ATP5F1C: variants seen among roughly 807,000 people sequenced by gnomAD.
The protein encoded by ATP5F1C is ATP synthase F1 subunit gamma.
Under a neutral mutation model 37.4 loss-of-function variants are expected in ATP5F1C, and 22 were observed. The ratio of observed to expected loss-of-function variants is 0.59; its 90% confidence interval spans 0.42 to 0.84. The LOEUF is 0.84. ATP5F1C is among the 40% of genes least tolerant of loss of function. The pLI, the probability that ATP5F1C is intolerant of heterozygous loss-of-function variation, is 0.00. For synonymous variants in ATP5F1C, 121 were observed against 128.0 expected (o/e 0.95, Z 0.37); for missense variants, 286 against 362.4 (o/e 0.79, Z 1.71).
intron 1 of ATP5F1C, among the ~76,000 whole-genome samples, chr10:7,788,649 C>A (rs2131048971): frequency 6.6e-6 from 1 of 152,312 alleles, no homozygotes; most frequent in East Asian, 1.9e-4. Flanking sequence ...TGACGGGAGC[C>A]TGAGCAATAG....
intron 6 of ATP5F1C, among the ~76,000 whole-genome samples, chr10:7,801,235 GA>G (rs1836360456): frequency 6.6e-6 from 1 of 152,066 alleles, no homozygotes; most frequent in Admixed American, 6.5e-5. Flanking sequence ...TAATGTTTCT[GA>G]AATTGAGATG....
At chr10:7,800,650 A>G (rs1180926208) in intron 6 of ATP5F1C, among the ~76,000 whole-genome samples, 1 of 151,956 alleles carries the variant, frequency 6.6e-6, no homozygotes, top group East Asian at 1.9e-4. Flanking sequence ...GCACGCCACC[A>G]CGCCTGGCTA....
chr10:7,797,009 TA>T (rs751655671), intron 2 of ATP5F1C, 37 bp from the exon 3 acceptor site: 1 of 1,595,364 alleles, frequency 6.3e-7, no homozygotes. Context: ...AGTTATACTG[TA>T]ATTCCTTTGT....
chr10:7,799,558 G>C, intron 4 of ATP5F1C: 1 of 595,062 alleles, frequency 1.7e-6, no homozygotes, highest in Non-Finnish European at 2.9e-6. Flanking sequence ...AAGGGGAAAA[G>C]AATATAAAAC....
At chr10:7,797,214 C>T (rs2131063705) in intron 3 of ATP5F1C, 36 bp downstream of exon 3, 1 of 1,605,406 alleles carries the variant, frequency 6.2e-7, no homozygotes, top group Non-Finnish European at 8.5e-7. Flanking sequence ...TTAGGAAGAA[C>T]TGTTTCACAC....
chr10:7,789,171 A>G (rs1020602551), intron 1 of ATP5F1C, among the ~76,000 whole-genome samples: 1 of 152,056 alleles, frequency 6.6e-6, no homozygotes, highest in Admixed American at 6.6e-5. Context: ...GCTTGACGGA[A>G]TCTGGAAGAA....
At chr10:7,798,549 G>A (rs1264823555) in intron 3 of ATP5F1C, among the ~76,000 whole-genome samples, 1 of 152,218 alleles carries the variant, frequency 6.6e-6, no homozygotes, top group African/African-American at 2.4e-5. Context: ...TGGGGCTACA[G>A]GCGCCCGCCA....
intron 1 of ATP5F1C, among the ~76,000 whole-genome samples, chr10:7,792,806 C>T (rs1420745649): frequency 6.6e-6 from 1 of 152,186 alleles, no homozygotes; most frequent in Non-Finnish European, 1.5e-5. Context: ...AATGAAGCTG[C>T]TTTACATGCT....
intron 8 of ATP5F1C, among the ~76,000 whole-genome samples, chr10:7,805,469 C>T (rs913293039): frequency 1.3e-5 from 2 of 151,898 alleles, no homozygotes; most frequent in Admixed American, 6.6e-5. Flanking sequence ...GAAACCTGGC[C>T]GGGCGCAGGG....
intron 1 of ATP5F1C, among the ~76,000 whole-genome samples, chr10:7,788,485 G>T (rs145778064): frequency 6.6e-6 from 1 of 152,322 alleles, no homozygotes; most frequent in Non-Finnish European, 1.5e-5. Context: ...GGTCCCGCCC[G>T]GTTCCCTGAG....
Position 7,797,090 on chromosome 10 carries a change from C to G in ATP5F1C, c.135C>G (p.Thr45=). ...CCATCAAAAACATCCAGAAAATTAC[C>G]AAGTCTATGAAAATGGTAGCGGCAG... ...LKSIKNIQKI[T]KSMKMVAAAK... Residue 45 remains threonine, a synonymous_variant, in exon 3 of 10, where the codon ACC becomes ACG. Coordinates refer to ENST00000356708, the MANE Select transcript of ATP5F1C (RefSeq NM_001001973.3). The G allele has an allele frequency of 1.2e-6, 2 of 1,613,940 alleles. No homozygotes were observed. Among genetic ancestry groups the G allele is most frequent in the South Asian group, 2.2e-5 (2 of 91,070 alleles).
chr10:7,807,548 G>T, intron 9 of ATP5F1C, 111 bp from the exon 10 acceptor site: 1 of 1,305,866 alleles, frequency 7.7e-7, no homozygotes, highest in Non-Finnish European at 1.1e-6. Flanking sequence ...ACACTTTATT[G>T]TGTAAATTCA....
intron 3 of ATP5F1C, 106 bp from the exon 4 acceptor site, chr10:7,798,884 A>C: frequency 2.7e-6 from 3 of 1,127,960 alleles, no homozygotes; most frequent in East Asian, 5.1e-5. Context: ...TTGCCAGCTA[A>C]ATTTAAATGC....
Position 7,802,783 on chromosome 10 carries a change from G to T in ATP5F1C, c.819G>T (p.Leu273Phe). Residue 273 changes from leucine to phenylalanine, a missense_variant, in exon 8 of 10, where the codon TTG (leucine) becomes TTT (phenylalanine). Physicochemically the swap from Leu to Phe is conservative, Grantham distance 22. Transcript: ENST00000356708. ...CTGAGATGATTGACAAATTGACATT[G>T]ACATTCAACCGTACCCGCCAAGCTG... ...NASEMIDKLT[L>F]TFNRTRQAVI... 2 of 1,613,630 alleles carry T rather than the reference G, an allele frequency of 1.2e-6. No homozygotes were observed. Among genetic ancestry groups the T allele is most frequent in the South Asian group, 2.2e-5 (2 of 90,926 alleles).
At chr10:7,788,527 G>C (rs552391745) in intron 1 of ATP5F1C, among the ~76,000 whole-genome samples, 34 of 152,338 alleles carry the variant, frequency 2.2e-4, no homozygotes, top group Admixed American at 5.2e-4. Flanking sequence ...TCGGGACTGC[G>C]GCCTGAGTCC....
intron 1 of ATP5F1C, among the ~76,000 whole-genome samples, chr10:7,791,976 C>A (rs1836171422): frequency 6.6e-6 from 1 of 152,160 alleles, no homozygotes; most frequent in African/African-American, 2.4e-5. Context: ...CAAATTTATA[C>A]CATATGGTAT....
chr10:7,806,877 C>CT (rs1836492597), intron 8 of ATP5F1C, 97 bp from the exon 9 acceptor site: 2 of 1,085,048 alleles, frequency 1.8e-6, no homozygotes, highest in South Asian at 1.3e-5. Context: ...TAACAATTGA[C>CT]TTTTTTTCAT....
At chr10:7,803,836 C>T (rs562438183) in intron 8 of ATP5F1C, among the ~76,000 whole-genome samples, 1 of 152,328 alleles carries the variant, frequency 6.6e-6, no homozygotes, top group East Asian at 1.9e-4. Flanking sequence ...CTCGTTCCTT[C>T]TTACCTCCTG....
intron 9 of ATP5F1C, 25 bp from the exon 10 acceptor site, chr10:7,807,634 A>G: frequency 1.2e-6 from 2 of 1,602,076 alleles, no homozygotes; most frequent in Non-Finnish European, 1.7e-6. Flanking sequence ...TTGATTTCTT[A>G]CTTGTTCTGT....
Sources: allele counts gnomAD v4.1 joint callset (sites outside exome capture counted in the v4.1 genomes callset), GRCh38; gene constraint gnomAD v4.1.1; transcripts MANE v1.5; gene names NCBI Gene and HGNC (gene_info 2026-07-23, HGNC 2026-07-21).